The following GLI3 variants were observed in gnomAD, a reference collection of about 807,000 sequenced individuals.
GLI3 encodes the protein transcription activator GLI3.
A neutral mutation model predicts 100.8 loss-of-function variants in GLI3; 20 were observed. The observed-to-expected ratio is 0.20, with a 90% CI of 0.14 to 0.29. The LOEUF (loss-of-function observed/expected upper bound fraction) is 0.29. Among genes scored for constraint, GLI3 ranks in the 10% least tolerant of loss-of-function variants. The probability of loss-of-function intolerance (pLI) is 1.00; values close to 1 mark genes in which losing one functional copy is unlikely to be tolerated. For missense variants in GLI3, 2,040 were observed against 2,128.5 expected (o/e 0.96, Z 0.82); for synonymous variants, 938 against 860.5 (o/e 1.09, Z -1.58).
chr7:42,145,099 C>T (rs1381198880), intron 3 of GLI3, among the ~76,000 whole-genome samples: 1 of 152,136 alleles, frequency 6.6e-6, no homozygotes, highest in East Asian at 1.9e-4. Flanking sequence ...GAAAATTTAT[C>T]ACCTTCAATT....
At chr7:42,194,796 G>A (rs1367780419) in intron 2 of GLI3, among the ~76,000 whole-genome samples, 1 of 109,142 alleles carries the variant, frequency 9.2e-6, no homozygotes, top group African/African-American at 4.0e-5. Flanking sequence ...GTTTCACTCT[G>A]TCACCTGTCA....
intron 1 of GLI3, among the ~76,000 whole-genome samples, chr7:42,250,750 G>A (rs1789022146): frequency 6.6e-6 from 1 of 152,202 alleles, no homozygotes; most frequent in African/African-American, 2.4e-5. Context: ...GGATTTGTAT[G>A]GAGGAAAAGG....
chr7:41,965,972 G>A lies in GLI3; in HGVS notation c.3101C>T (p.Ala1034Val), dbSNP rs1446268237. ...GCGCTTCTCCGCGGACGTGGCCATC[G>A]CCGGGGGGTTGCAGCTGCTGAGGCT... ...FSSLSSCNPP[A>V]MATSAEKRSL... The change falls in exon 15 of 15, where the codon GCG becomes GTG. Residue 1034 changes from alanine (A) to valine (V), a missense_variant. By Grantham distance (64) the Ala-to-Val change is moderately conservative. Transcript: ENST00000395925. 9 of 1,608,026 alleles carry A rather than the reference G, an allele frequency of 5.6e-6. No homozygotes were observed. The highest frequency in any genetic ancestry group is 1.6e-4 in the Middle Eastern group (1 of 6,082).
intron 3 of GLI3, among the ~76,000 whole-genome samples, chr7:42,083,211 C>T (rs1785033262): frequency 6.6e-6 from 1 of 152,156 alleles, no homozygotes; most frequent in Non-Finnish European, 1.5e-5. Context: ...CCTTCCTAGC[C>T]TCTGGTAACC....
intron 7 of GLI3, among the ~76,000 whole-genome samples, chr7:42,038,336 C>CT (rs1784059145): frequency 6.6e-6 from 1 of 152,226 alleles, no homozygotes; most frequent in Non-Finnish European, 1.5e-5. Flanking sequence ...TCAGCTCCCC[C>CT]TGAAACTTCA....
At position 42,261,859 on chromosome 7, in the gene GLI3, TCCTTCCCTTCCTTTC is replaced by T. The variant is rs1292317460; in HGVS notation, c.-43+2120_-43+2134del. Among the ~76,000 whole-genome samples the T allele has an allele frequency of 1.6e-3, 205 of 124,892 alleles. 1 individual carries two copies. Among genetic ancestry groups the T allele is most frequent in the African/African-American group, 5.6e-3 (193 of 34,516 alleles). The allele number at this position is 124,892 out of a possible 152,430, so 81.9% of individuals were successfully genotyped here. On this transcript the variant is annotated intron_variant, in intron 1 of 2. Coordinates refer to the GLI3 transcript ENST00000678978. ...CATAAGGAACAGTCTTTGTTTTCTT[TCCTTCCCTTCCTTTC>T]CCTTCCCTTCCTTTCCCTTCCCTTC...
In GLI3 at chr7:42,109,414, T is replaced by G. The variant is rs1266193367; in HGVS notation, c.368-32557A>C. ...CCCACACAAACCCCATGGGCTATAATAAGATATTGCTGATGTTTTGGCTGA... is the reference window on the plus strand; with the variant it reads ...CCCACACAAACCCCATGGGCTATAAGAAGATATTGCTGATGTTTTGGCTGA... On this transcript the variant is annotated intron_variant, in intron 3 of 14. Coordinates refer to ENST00000395925, the MANE Select transcript of GLI3 (RefSeq NM_000168.6). Among the ~76,000 whole-genome samples, 3 of 152,276 alleles carry G rather than the reference T, an allele frequency of 2.0e-5. No individual in the cohort carries two copies. In the East Asian group the frequency reaches 5.8e-4, roughly 29 times the overall value.
chr7:42,130,346 G>T (rs1786244514), intron 3 of GLI3, among the ~76,000 whole-genome samples: 1 of 151,894 alleles, frequency 6.6e-6, no homozygotes, highest in Admixed American at 6.6e-5. Flanking sequence ...GGTTTTATGA[G>T]GAGAAAAAAG....
chr7:41,996,449 G>A (rs75153015), intron 10 of GLI3, among the ~76,000 whole-genome samples: 4 of 152,188 alleles, frequency 2.6e-5, no homozygotes, highest in East Asian at 1.9e-4. Flanking sequence ...TTAGTCAACC[G>A]CTGGCTCATA....
chr7:42,052,108 C>T (rs1042965308), intron 4 of GLI3, among the ~76,000 whole-genome samples: 6 of 152,162 alleles, frequency 3.9e-5, no homozygotes, highest in African/African-American at 9.7e-5. Flanking sequence ...TCTTTTACTT[C>T]GTAATATGCA....
rs1217602033 is a variant in GLI3 at position 41,962,688 on chromosome 7, G to A, written c.*1642C>T. 1 of 151,912 alleles carries A rather than the reference G, an allele frequency of 6.6e-6. No homozygotes were observed. The highest frequency in any genetic ancestry group is 1.5e-5 in the Non-Finnish European group (1 of 67,998). The allele number at this position is 151,912 out of a possible 1,614,324, so 9.4% of individuals were successfully genotyped here. ...AACATAAACATGAGAAAAGTGGGCTGGTCTTAACACTCTTTCTATTATCTA... is the reference window on the plus strand; with the variant it reads ...AACATAAACATGAGAAAAGTGGGCTAGTCTTAACACTCTTTCTATTATCTA... On this transcript the variant is annotated 3_prime_UTR_variant, in exon 15 of 15. Transcript: ENST00000395925.
intron 1 of GLI3, among the ~76,000 whole-genome samples, chr7:42,248,278 G>A (rs558002678): frequency 4.0e-4 from 61 of 152,142 alleles, no homozygotes; most frequent in Middle Eastern, 6.8e-3. Flanking sequence ...TTTCCTATAG[G>A]GACAGTGCCA....
chr7:41,977,200 G>T (rs1194002845), intron 12 of GLI3, among the ~76,000 whole-genome samples: 1 of 152,212 alleles, frequency 6.6e-6, no homozygotes, highest in Admixed American at 6.5e-5. Context: ...TATCCTTGGG[G>T]CTTATGGGGT....
At chr7:42,031,280 C>T (rs1325849708) in intron 7 of GLI3, among the ~76,000 whole-genome samples, 1 of 152,152 alleles carries the variant, frequency 6.6e-6, no homozygotes, top group Non-Finnish European at 1.5e-5. Flanking sequence ...TAATTTAAGA[C>T]AATAACAACA....
At chr7:42,235,789 T>C (rs979905631) in intron 1 of GLI3, among the ~76,000 whole-genome samples, 6 of 152,216 alleles carry the variant, frequency 3.9e-5, no homozygotes, top group Admixed American at 3.3e-4. Context: ...AGACAGTCCA[T>C]CATTTCAAAC....
At chr7:42,090,933 A>C (rs377550733) in intron 3 of GLI3, among the ~76,000 whole-genome samples, 2 of 152,220 alleles carry the variant, frequency 1.3e-5, no homozygotes, top group African/African-American at 2.4e-5. Context: ...GTAAGAAGTT[A>C]AAGTCGCTCA....
chr7:42,142,747 G>A (rs1268057711), intron 3 of GLI3, among the ~76,000 whole-genome samples: 3 of 151,330 alleles, frequency 2.0e-5, no homozygotes, highest in Non-Finnish European at 4.4e-5. Flanking sequence ...TGGCTAACAT[G>A]GTGAAACCCC....
chr7:42,197,579 T>C (rs1251468210), intron 2 of GLI3, among the ~76,000 whole-genome samples: 3 of 152,144 alleles, frequency 2.0e-5, no homozygotes, highest in Non-Finnish European at 4.4e-5. Context: ...GAAAACCAAA[T>C]GAAATGTCGT....
chr7:41,964,427 G>T lies in GLI3; in HGVS notation c.4646C>A (p.Ala1549Glu). The change falls in exon 15 of 15, where the codon GCG (alanine) becomes GAG (glutamate). Residue 1549 changes from alanine to glutamate, a missense_variant. Physicochemically the swap from Ala to Glu is moderately radical, Grantham distance 107. Around this residue, in one of 5 missense-constraint regions of GLI3, gnomAD observed 1,041 missense variants for 924.0 expected, o/e 1.13. Coordinates refer to ENST00000395925, the MANE Select transcript of GLI3 (RefSeq NM_000168.6). Reference protein sequence around the residue: ...TTPRASLPFPALSMSTTNMAI... With the variant: ...TTPRASLPFPELSMSTTNMAI... ...CATGTTGGTGGTGCTCATGGACAGC[G>T]CTGGGAATGGGAGGGACGCCCGAGG... 1.2e-6 allele frequency: 2 copies of T among 1,613,998 alleles called. No individual in the cohort carries two copies. The highest frequency in any genetic ancestry group is 1.7e-6 in the Non-Finnish European group (2 of 1,179,836).
Sources: gnomAD v4.1 joint callset for allele counts (sites outside exome capture counted in the v4.1 genomes callset) on GRCh38, gnomAD v4.1.1 for gene constraint, gnomAD v4.1.1 regional missense constraint, MANE v1.5 for transcripts, NCBI Gene and HGNC (gene_info 2026-07-23, HGNC 2026-07-21) for gene names.